Variants in TGFBR3 observed in about 807,000 individuals in gnomAD.
TGFBR3 encodes transforming growth factor beta receptor 3, also known as transforming growth factor beta receptor type 3.
A neutral mutation model predicts 87.9 loss-of-function variants in TGFBR3; 46 were observed. That is an observed-to-expected ratio of 0.52 (90% confidence interval 0.41 to 0.67). The LOEUF (loss-of-function observed/expected upper bound fraction) is 0.67. Ranked by LOEUF, TGFBR3 falls within the 30% of genes least tolerant of loss-of-function variation. The probability of loss-of-function intolerance (pLI) is 0.00; values close to 1 mark genes in which losing one functional copy is unlikely to be tolerated. For missense variants in TGFBR3, 866 were observed against 1,041.9 expected (o/e 0.83, Z 2.32); for synonymous variants, 381 against 391.6 (o/e 0.97, Z 0.32).
chr1:91,704,914 G>A (rs1375838135), intron 14 of TGFBR3, among the ~76,000 whole-genome samples: 2 of 152,194 alleles, frequency 1.3e-5, no homozygotes, highest in East Asian at 3.8e-4. Flanking sequence ...GGCAGTGGTG[G>A]CCACAGAGCA....
At chr1:91,890,964 C>T (rs1484942192), upstream of TGFBR3, among the ~76,000 whole-genome samples, 4 of 151,390 alleles carry the variant, frequency 2.6e-5, no homozygotes, top group East Asian at 5.9e-4. Context: ...GTGGTGCAGT[C>T]TTGGTTCACT....
intron 2 of TGFBR3, among the ~76,000 whole-genome samples, chr1:91,823,360 A>C (rs895539410): frequency 6.6e-6 from 1 of 152,234 alleles, no homozygotes; most frequent in Non-Finnish European, 1.5e-5. Flanking sequence ...CTCAGCAATT[A>C]CAGTCCTAGG....
At chr1:91,860,927 GTC>G (rs1305833488) in intron 2 of TGFBR3, among the ~76,000 whole-genome samples, 1 of 77,542 alleles carries the variant, frequency 1.3e-5, no homozygotes, top group Non-Finnish European at 2.2e-5. Context: ...GCAAGACTCT[GTC>G]TCCACAAAAA....
At chr1:91,894,838 T>G (rs552168274) in intron 2 of TGFBR3, among the ~76,000 whole-genome samples, 2 of 152,346 alleles carry the variant, frequency 1.3e-5, no homozygotes, top group East Asian at 3.9e-4. Context: ...TGGCACAAAC[T>G]CGGCTCACTG....
chr1:91,857,474 T>G (rs888015846), intron 2 of TGFBR3, among the ~76,000 whole-genome samples: 1 of 152,030 alleles, frequency 6.6e-6, no homozygotes, highest in African/African-American at 2.4e-5. Flanking sequence ...CAAGACAGAG[T>G]TCAAGATCTA....
intron 3 of TGFBR3, among the ~76,000 whole-genome samples, chr1:91,768,652 C>T (rs1286233177): frequency 1.3e-5 from 2 of 152,154 alleles, no homozygotes; most frequent in East Asian, 3.9e-4. Context: ...CCTTGCCCTT[C>T]ACTCTCTCTT....
intron 2 of TGFBR3, among the ~76,000 whole-genome samples, chr1:91,797,871 A>C (rs550323039): frequency 6.6e-6 from 1 of 152,340 alleles, no homozygotes; most frequent in African/African-American, 2.4e-5. Context: ...CAAAAGTATA[A>C]GATACAGATC....
chr1:91,853,259 C>CAAAAAAA (rs11340974), intron 2 of TGFBR3, among the ~76,000 whole-genome samples: 5 of 76,596 alleles, frequency 6.5e-5, no homozygotes, highest in African/African-American at 1.7e-4. Flanking sequence ...TGAGGGTTGG[C>CAAAAAAA]AAAAAAAAAA....
chr1:91,755,594 G>T (rs1014640600), intron 4 of TGFBR3, among the ~76,000 whole-genome samples: 10 of 152,254 alleles, frequency 6.6e-5, no homozygotes, highest in African/African-American at 1.9e-4. Flanking sequence ...CTCCTTACAT[G>T]GGATTGATCC....
intron 3 of TGFBR3, among the ~76,000 whole-genome samples, chr1:91,780,357 T>C (rs1557706479): frequency 6.6e-6 from 1 of 152,278 alleles, no homozygotes; most frequent in East Asian, 1.9e-4. Context: ...GGTAATCTGG[T>C]AAGACAATAT....
upstream of TGFBR3, among the ~76,000 whole-genome samples, chr1:91,886,863 T>G (rs1407156992): frequency 6.6e-6 from 1 of 151,728 alleles, no homozygotes; most frequent in Admixed American, 6.6e-5. Flanking sequence ...TACCCGGAGG[T>G]GGGCGCGATA....
At chr1:91,829,111 C>T (rs1175524922) in intron 2 of TGFBR3, among the ~76,000 whole-genome samples, 3 of 152,060 alleles carry the variant, frequency 2.0e-5, no homozygotes, top group Non-Finnish European at 2.9e-5. Context: ...CACGATGGCT[C>T]ACACCTGTAA....
At chr1:91,686,349 C>T (rs1671090732) in intron 16 of TGFBR3, among the ~76,000 whole-genome samples, 2 of 152,170 alleles carry the variant, frequency 1.3e-5, no homozygotes, top group African/African-American at 2.4e-5. Context: ...AACAAAACCC[C>T]AAACAAAACA....
intron 16 of TGFBR3, among the ~76,000 whole-genome samples, chr1:91,689,868 A>C (rs1439836919): frequency 1.3e-5 from 2 of 148,550 alleles, no homozygotes; most frequent in Non-Finnish European, 3.0e-5. Flanking sequence ...AAAAAAAGCA[A>C]GGGTACGACT....
chr1:91,822,870 G>T (rs1030045026), intron 2 of TGFBR3, among the ~76,000 whole-genome samples: 1 of 152,084 alleles, frequency 6.6e-6, no homozygotes, highest in African/African-American at 2.4e-5. Context: ...AGGTTGCAGC[G>T]AGCCAAGATC....
intron 2 of TGFBR3, among the ~76,000 whole-genome samples, chr1:91,810,026 C>T (rs182352246): frequency 1.2e-4 from 19 of 152,208 alleles, no homozygotes; most frequent in East Asian, 7.7e-4. Flanking sequence ...GGATTGTGCT[C>T]GGCTCAGTTG....
At chr1:91,746,082 C>T (rs1280606367) in intron 4 of TGFBR3, among the ~76,000 whole-genome samples, 2 of 152,116 alleles carry the variant, frequency 1.3e-5, no homozygotes, top group East Asian at 1.9e-4. Context: ...TGACTGAAAC[C>T]GCCCCATGTT....
chr1:91,687,085 G>A (rs1671112446), intron 16 of TGFBR3, among the ~76,000 whole-genome samples: 1 of 152,172 alleles, frequency 6.6e-6, no homozygotes, highest in Admixed American at 6.5e-5. Context: ...AGTACACTGA[G>A]GATAAGGACA....
intron 2 of TGFBR3, among the ~76,000 whole-genome samples, chr1:91,820,559 A>G (rs3103334): frequency 0.99 from 151,127 of 152,106 alleles, 75,081 homozygotes; most frequent in Middle Eastern, 1. Context: ...GGTGGCGGGC[A>G]CCTGTAGTCC....
Sources: allele counts gnomAD v4.1 joint callset (sites outside exome capture counted in the v4.1 genomes callset), GRCh38; gene constraint gnomAD v4.1.1; transcripts MANE v1.5; gene names NCBI Gene and HGNC (gene_info 2026-07-23, HGNC 2026-07-21).